The following GRIA3 variants were observed in gnomAD, a reference collection of about 807,000 sequenced individuals.
GRIA3 encodes the protein glutamate receptor 3.
GRIA3 carries 3 observed loss-of-function variants against 63.0 expected under a neutral mutation model. That is an observed-to-expected ratio of 0.05 (90% CI 0.02 to 0.12). The LOEUF is 0.12. Among genes scored for constraint, GRIA3 ranks in the 10% least tolerant of loss-of-function variants. GRIA3 has a pLI of 1.00. For synonymous variants in GRIA3, 274 were observed against 257.9 expected, an observed-to-expected ratio of 1.06 and a Z score of -0.60; for missense variants, 347 against 700.9, an observed-to-expected ratio of 0.50 and a Z score of 5.70.
chrX:123,395,004 G>C lies in GRIA3; in HGVS notation c.787G>C (p.Gly263Arg), dbSNP rs191962905. ...TDILLERVMH[G>R]GANITGFQIV... ...TATTTTACTGGAAAGAGTCATGCAT[G>C]GGGGAGCCAACATTACAGGTTTCCA... The change falls in exon 6 of 16, where the codon GGG (glycine) becomes CGG (arginine). Residue 263 changes from glycine (G) to arginine (R), a missense_variant. By Grantham distance (125) the Gly-to-Arg change is moderately radical (BLOSUM62 -2). Transcript: ENST00000620443. 8 of 1,191,434 alleles carry C rather than the reference G, an allele frequency of 6.7e-6. No individual in the cohort carries two copies. The Admixed American group carries it at 1.5e-4, about 23-fold the overall frequency.
At chrX:123,378,280 G>C (rs1388586685) in intron 5 of GRIA3, among the ~76,000 whole-genome samples, 1 of 111,660 alleles carries the variant, frequency 9.0e-6, no homozygotes, top group Non-Finnish European at 1.9e-5. Context: ...CTCTCTCCTA[G>C]CTTCCATCTT....
intron 12 of GRIA3, among the ~76,000 whole-genome samples, chrX:123,443,266 AG>A (rs2045686089): frequency 8.9e-6 from 1 of 112,069 alleles, no homozygotes; most frequent in Admixed American, 9.4e-5. Flanking sequence ...CATGGCCAAA[AG>A]CCTTGAAAGG....
At chrX:123,381,103 A>G (rs925814522) in intron 5 of GRIA3, among the ~76,000 whole-genome samples, 1 of 111,946 alleles carries the variant, frequency 8.9e-6, no homozygotes, top group South Asian at 3.8e-4. Context: ...ACTTCCATCC[A>G]TCTATCTATA....
At chrX:123,275,279 G>A (rs1023178368) in intron 3 of GRIA3, among the ~76,000 whole-genome samples, 1 of 111,952 alleles carries the variant, frequency 8.9e-6, no homozygotes, top group Non-Finnish European at 1.9e-5. Flanking sequence ...ACAATCCTAT[G>A]AGGACTGTCA....
At chrX:123,215,379 T>C (rs2147262575) in intron 2 of GRIA3, among the ~76,000 whole-genome samples, 1 of 112,088 alleles carries the variant, frequency 8.9e-6, no homozygotes, top group African/African-American at 3.2e-5. Context: ...GAGAACTAAA[T>C]GAGGCAGCAC....
intron 2 of GRIA3, among the ~76,000 whole-genome samples, chrX:123,192,340 G>A (rs998393100): frequency 9.0e-6 from 1 of 111,554 alleles, no homozygotes; most frequent in African/African-American, 3.3e-5. Context: ...AGAGGATAAG[G>A]GTGGGAGAGA....
intron 2 of GRIA3, among the ~76,000 whole-genome samples, chrX:123,228,804 T>C (rs2044261751): frequency 9.0e-6 from 1 of 111,420 alleles, no homozygotes; most frequent in African/African-American, 3.3e-5. Context: ...TTGGAGAAGG[T>C]GGGGGATCCC....
chrX:123,457,000 A>G (rs2045765490), intron 12 of GRIA3, among the ~76,000 whole-genome samples: 1 of 111,960 alleles, frequency 8.9e-6, no homozygotes, highest in African/African-American at 3.2e-5. Flanking sequence ...TAATTATATT[A>G]TCTTAAAGAT....
At chrX:123,192,432 G>C (rs968697004) in intron 2 of GRIA3, among the ~76,000 whole-genome samples, 1 of 111,303 alleles carries the variant, frequency 9.0e-6, no homozygotes, top group African/African-American at 3.3e-5. Context: ...CCCTCTCACC[G>C]TCACTAAATA....
chrX:123,445,083 T>C (rs749031608), intron 12 of GRIA3, among the ~76,000 whole-genome samples: 48 of 112,106 alleles, frequency 4.3e-4, no homozygotes, highest in Non-Finnish European at 7.5e-4. Flanking sequence ...GCTTTGCTGA[T>C]TAAGGCTATA....
chrX:123,274,227 T>G (rs192004386), intron 3 of GRIA3, among the ~76,000 whole-genome samples: 68 of 112,580 alleles, frequency 6.0e-4, no homozygotes, highest in Non-Finnish European at 5.8e-4. Context: ...AAATTCAAAT[T>G]TACTGTGTTT....
intron 13 of GRIA3, 140 bp from the exon 14 acceptor site, chrX:123,479,923 C>T (rs2147445201): frequency 2.1e-6 from 1 of 477,720 alleles, no homozygotes; most frequent in Non-Finnish European, 3.7e-6. Flanking sequence ...AGGTAATGCT[C>T]AGGTTGCCTG....
intron 5 of GRIA3, among the ~76,000 whole-genome samples, chrX:123,360,729 T>C (rs191355265): frequency 3.0e-4 from 30 of 98,656 alleles, no homozygotes; most frequent in Middle Eastern, 5.2e-3. Flanking sequence ...CCTTTGTGAA[T>C]CTGGTTTTGA....
chrX:123,429,779 T>C (rs1331882093), intron 12 of GRIA3, among the ~76,000 whole-genome samples: 1 of 112,328 alleles, frequency 8.9e-6, no homozygotes, highest in Admixed American at 9.4e-5. Flanking sequence ...ACTTAGGATA[T>C]CAAGACACCA....
chrX:123,445,006 G>T, intron 12 of GRIA3, among the ~76,000 whole-genome samples: 1 of 111,505 alleles, frequency 9.0e-6, no homozygotes. Flanking sequence ...AGCCCAGAGG[G>T]CAGATTGCCC....
At chrX:123,192,711 T>A (rs1927470740) in intron 2 of GRIA3, among the ~76,000 whole-genome samples, 1 of 111,499 alleles carries the variant, frequency 9.0e-6, no homozygotes. Flanking sequence ...ATTTGGAGGG[T>A]GCAGGGGAGC....
chrX:123,444,173 T>C (rs751275703), intron 12 of GRIA3, among the ~76,000 whole-genome samples: 5 of 111,030 alleles, frequency 4.5e-5, no homozygotes, highest in Admixed American at 9.6e-5. Context: ...TCTTTGTCCT[T>C]ACACTTGCCT....
chrX:123,305,854 C>T (rs954677105), intron 3 of GRIA3, among the ~76,000 whole-genome samples: 2 of 112,010 alleles, frequency 1.8e-5, no homozygotes, highest in African/African-American at 3.2e-5. Flanking sequence ...TCCCTGTCCC[C>T]GTTGCAAATA....
At chrX:123,302,315 A>T (rs2044728500) in intron 3 of GRIA3, among the ~76,000 whole-genome samples, 1 of 111,851 alleles carries the variant, frequency 8.9e-6, no homozygotes, top group South Asian at 3.7e-4. Context: ...TCTGGACCTC[A>T]GTTTCCAATA....
Sources: allele counts gnomAD v4.1 joint callset (sites outside exome capture counted in the v4.1 genomes callset), GRCh38; gene constraint gnomAD v4.1.1; transcripts MANE v1.5; gene names NCBI Gene and HGNC (gene_info 2026-07-23, HGNC 2026-07-21).